PEX11G: variants seen among roughly 807,000 people sequenced by gnomAD.
The protein encoded by PEX11G is peroxisomal membrane protein 11C.
A neutral mutation model predicts 22.5 loss-of-function variants in PEX11G; 20 were observed. The ratio of observed to expected loss-of-function variants is 0.89; its 90% confidence interval spans 0.62 to 1.29. PEX11G has a LOEUF of 1.29. PEX11G is among the 50% of genes most tolerant of loss of function. PEX11G has a pLI of 0.00. For synonymous variants in PEX11G, 141 were observed against 154.5 expected, an observed-to-expected ratio of 0.91 and a Z score of 0.65; for missense variants, 347 against 331.3, an observed-to-expected ratio of 1.05 and a Z score of -0.37.
intron 2 of PEX11G, among the ~76,000 whole-genome samples, chr19:7,485,500 C>T (rs755502365): frequency 1.6e-4 from 24 of 152,160 alleles, no homozygotes; most frequent in African/African-American, 1.9e-4. Context: ...GGACTGCAGG[C>T]GCCTGCAACC....
chr19:7,478,350 C>G lies in PEX11G; in HGVS notation c.455G>C (p.Arg152Thr). The G allele has an allele frequency of 6.2e-7, 1 of 1,611,378 alleles. No homozygotes were observed. Among genetic ancestry groups the G allele is most frequent in the Non-Finnish European group, 8.5e-7 (1 of 1,179,504 alleles). The change falls in exon 4 of 5, where the codon AGA becomes ACA. Residue 152 changes from arginine to threonine, a missense_variant. Coordinates refer to ENST00000221480, the MANE Select transcript of PEX11G (RefSeq NM_080662.4). ...CGCCGTGGGGCTCCGCAGCCTCTGTCTCAGTTTCAGCAGCATCCACAGGGA... is the reference window on the plus strand; with the variant it reads ...CGCCGTGGGGCTCCGCAGCCTCTGTGTCAGTTTCAGCAGCATCCACAGGGA... ...ARSLWMLLKL[R>T]QRLRSPTAPF... is the part of the protein sequence containing the mutation.
chr19:7,492,264 T>G (rs1176108203), upstream of PEX11G, among the ~76,000 whole-genome samples: 2 of 152,190 alleles, frequency 1.3e-5, no homozygotes, highest in Non-Finnish European at 2.9e-5. Flanking sequence ...TTTCCCACAG[T>G]AGCAGTACCA....
At position 7,478,316 on chromosome 19, in the gene PEX11G, G is replaced by A; in HGVS notation, c.489C>T (p.Thr163=). The change falls in exon 4 of 5, where the codon ACC becomes ACT. Residue 163 remains threonine (T), a splice_region_variant and synonymous_variant. Transcript: ENST00000221480. ...QRLRSPTAPF[T]SPLPRGKRRA... is the part of the protein sequence containing the mutation. ...GCTGGGTGATCACGGGCTCCTACCT[G>A]GTGAAGGGCGCCGTGGGGCTCCGCA... 3.7e-6 allele frequency: 6 copies of A among 1,610,884 alleles called. No individual in the cohort carries two copies. Among genetic ancestry groups the A allele is most frequent in the Non-Finnish European group, 5.1e-6 (6 of 1,179,482 alleles).
rs58359792 is a variant in PEX11G at position 7,486,103 on chromosome 19, G to A, written c.61-77C>T. 3.9e-3 allele frequency: 4,958 copies of A among 1,281,918 alleles called. 152 individuals are homozygous for A. In the African/African-American group the frequency reaches 0.067, roughly 17 times the overall value. The allele number at this position is 1,281,918 out of a possible 1,614,324, so 79.4% of individuals were successfully genotyped here. ...GCTGCATCCCCCCATACCTGGCCCC[G>A]GGCCCCGCTGGATTGAGAGTGTGGA... On this transcript the variant is annotated intron_variant, in intron 1 of 4. Coordinates refer to ENST00000221480, the MANE Select transcript of PEX11G (RefSeq NM_080662.4).
intron 3 of PEX11G, among the ~76,000 whole-genome samples, chr19:7,481,747 G>A (rs76366681): frequency 0.024 from 3,730 of 152,272 alleles, 56 homozygotes; most frequent in Non-Finnish European, 0.038. Context: ...AGGCATCAGC[G>A]CCTGCTGACA....
At chr19:7,488,922 CCT>C in intron 1 of PEX11G, 27 bp downstream of exon 1, 1 of 1,547,278 alleles carries the variant, frequency 6.5e-7, no homozygotes. Context: ...AACTCTAGGA[CCT>C]CCGGCCCCGG....
intron 4 of PEX11G, among the ~76,000 whole-genome samples, chr19:7,477,861 TAAAAAAC>T: frequency 6.6e-6 from 1 of 151,870 alleles, no homozygotes; most frequent in East Asian, 1.9e-4. Context: ...CACCAAAAAA[TAAAAAAC>T]AAAATTAGCC....
chr19:7,485,980 A>G lies in PEX11G; in HGVS notation c.107T>C (p.Val36Ala), dbSNP rs765075095. ...YCCQLVGGVL[V>A]EQCPARSEVG... The stretch of plus-strand genomic sequence containing the variant: ...TTCGGACCTGGCGGGACACTGTTCA[A>G]CCAGAACTCCACCAACCAGCTGGCA... Residue 36 changes from valine (V) to alanine (A), a missense_variant, in exon 2 of 5, where the codon GTT (valine) becomes GCT (alanine). Coordinates refer to ENST00000221480, the MANE Select transcript of PEX11G (RefSeq NM_080662.4). 3 of 1,607,260 alleles carry G rather than the reference A, an allele frequency of 1.9e-6. No individual in the cohort carries two copies. The East Asian group carries it at 6.7e-5, about 36-fold the overall frequency.
intron 1 of PEX11G, among the ~76,000 whole-genome samples, chr19:7,487,912 C>A (rs1171335944): frequency 1.3e-5 from 2 of 152,178 alleles, no homozygotes; most frequent in Non-Finnish European, 2.9e-5. Context: ...AAATGCCTAG[C>A]CACCAGTACA....
intron 2 of PEX11G, 57 bp downstream of exon 2, chr19:7,485,781 A>T (rs10419652): frequency 0.048 from 69,984 of 1,451,630 alleles, 4,455 homozygotes; most frequent in African/African-American, 0.28. Context: ...AAAATTTTTT[A>T]AAAAATGTCC....
At chr19:7,477,882 C>T (rs1460327504) in intron 4 of PEX11G, among the ~76,000 whole-genome samples, 1 of 152,204 alleles carries the variant, frequency 6.6e-6, no homozygotes. Flanking sequence ...ATTAGCCAGG[C>T]GTGCTGGCCC....
At chr19:7,481,845 T>A (rs933007657) in intron 3 of PEX11G, among the ~76,000 whole-genome samples, 188 bp downstream of exon 3, 4 of 152,130 alleles carry the variant, frequency 2.6e-5, no homozygotes, top group Non-Finnish European at 5.9e-5. Flanking sequence ...TGTGCTAATT[T>A]GTTCCGACAG....
In PEX11G at chr19:7,489,015, A is replaced by G; in HGVS notation, c.-5T>C. ...CAGGCCGCTCAGCGACGCCATGGCA[A>G]CTCCGTGACGTCACCGCGACGTCGG... On this transcript the variant is annotated 5_prime_UTR_variant, in exon 1 of 5. Transcript: ENST00000221480. 1.3e-6 allele frequency: 2 copies of G among 1,532,996 alleles called. No homozygotes were observed. The highest frequency in any genetic ancestry group is 1.2e-5 in the South Asian group (1 of 83,214). 95.0% of individuals were successfully genotyped at this position (1,532,996 alleles called of 1,614,324 possible).
chr19:7,484,500 C>T (rs78898905), intron 2 of PEX11G, among the ~76,000 whole-genome samples: 49,125 of 151,900 alleles, frequency 0.32, 8,030 homozygotes, highest in South Asian at 0.36. Flanking sequence ...GGGCCGGGCA[C>T]GGTGGCGCAC....
At chr19:7,489,880 C>G (rs565649989), upstream of PEX11G, among the ~76,000 whole-genome samples, 1 of 144,910 alleles carries the variant, frequency 6.9e-6, no homozygotes, top group South Asian at 2.2e-4. Flanking sequence ...TTTTTTGAGA[C>G]GGAGTCTTGC....
At chr19:7,478,194 T>TC in intron 4 of PEX11G, 120 bp downstream of exon 4, 2 of 1,047,166 alleles carry the variant, frequency 1.9e-6, no homozygotes, top group Non-Finnish European at 2.8e-6. Context: ...CTGTGATGAC[T>TC]CCCCCATGAC....
chr19:7,479,804 C>T (rs939930077), intron 3 of PEX11G, among the ~76,000 whole-genome samples: 16 of 152,230 alleles, frequency 1.1e-4, no homozygotes, highest in African/African-American at 3.1e-4. Flanking sequence ...TGAACCCTAA[C>T]GTGAGCTACT....
At chr19:7,478,405 C>A (rs1977333457) in intron 3 of PEX11G, 29 bp from the exon 4 acceptor site, 1 of 1,595,030 alleles carries the variant, frequency 6.3e-7, no homozygotes, top group African/African-American at 1.3e-5. Context: ...AGGGAGGATG[C>A]CCCGGCGGGG....
Position 7,476,948 on chromosome 19 carries a change from T to A in PEX11G, c.*254A>T. 1 of 405,264 alleles carries A rather than the reference T, an allele frequency of 2.5e-6. No individual in the cohort carries two copies. The highest frequency in any genetic ancestry group is 4.4e-6 in the Non-Finnish European group (1 of 229,406). 25.1% of individuals were successfully genotyped at this position (405,264 alleles called of 1,614,324 possible). A position where few individuals can be genotyped will look rare whatever the true frequency, so the allele number is the denominator to read the frequency against. On this transcript the variant is annotated 3_prime_UTR_variant, in exon 5 of 5. Transcript: ENST00000221480. ...ACGACAGGCCCCCTCTTCCTCATCTTGATTTGGATACAAGACGCCAGCTGG... is the reference window on the plus strand; with the variant it reads ...ACGACAGGCCCCCTCTTCCTCATCTAGATTTGGATACAAGACGCCAGCTGG...
Sources: gnomAD v4.1 joint callset for allele counts (sites outside exome capture counted in the v4.1 genomes callset) on GRCh38, gnomAD v4.1.1 for gene constraint, MANE v1.5 for transcripts, NCBI Gene and HGNC (gene_info 2026-07-23, HGNC 2026-07-21) for gene names.